The following FGF12 variants were observed in gnomAD, a reference collection of about 807,000 sequenced individuals.
FGF12 encodes fibroblast growth factor 12B.
In FGF12, 14 loss-of-function variants were observed where a neutral mutation model predicts 23.6. The ratio of observed to expected loss-of-function variants is 0.59; its 90% CI spans 0.39 to 0.93. The LOEUF (loss-of-function observed/expected upper bound fraction) is 0.93. FGF12 is among the 40% of genes least tolerant of loss of function. The probability of loss-of-function intolerance (pLI) is 0.00; values close to 1 mark genes in which losing one functional copy is unlikely to be tolerated. For missense variants in FGF12, 175 were observed against 217.8 expected, an observed-to-expected ratio of 0.80 and a Z score of 1.24; for synonymous variants, 62 against 77.3, an observed-to-expected ratio of 0.80 and a Z score of 1.04.
intron 2 of FGF12, among the ~76,000 whole-genome samples, chr3:192,522,777 T>C (rs993332180): frequency 1.3e-5 from 2 of 152,188 alleles, no homozygotes; most frequent in Non-Finnish European, 2.9e-5. Context: ...TATGAATAGA[T>C]CTGTGAAATT....
intron 4 of FGF12, among the ~76,000 whole-genome samples, chr3:192,283,852 G>T (rs1464254957): frequency 6.6e-6 from 1 of 151,954 alleles, no homozygotes; most frequent in African/African-American, 2.4e-5. Flanking sequence ...ATTTCCACGT[G>T]GTCAGCACTT....
intron 2 of FGF12, among the ~76,000 whole-genome samples, chr3:192,711,949 A>C (rs1267770495): frequency 5.9e-5 from 9 of 151,600 alleles, no homozygotes; most frequent in Non-Finnish European, 8.8e-5. Flanking sequence ...TCAAAAAAAA[A>C]AAAAAAAAAA....
chr3:192,397,459 A>C (rs893668963), intron 2 of FGF12, among the ~76,000 whole-genome samples: 13 of 152,188 alleles, frequency 8.5e-5, no homozygotes, highest in Admixed American at 7.9e-4. Context: ...CTATCACCTC[A>C]TATGCCATCT....
At chr3:192,587,633 T>C (rs1397746213) in intron 2 of FGF12, among the ~76,000 whole-genome samples, 2 of 151,666 alleles carry the variant, frequency 1.3e-5, no homozygotes, top group South Asian at 2.1e-4. Context: ...CTGGGCACCA[T>C]AGTGAGACCC....
chr3:192,333,016 C>T (rs987153586), intron 4 of FGF12, among the ~76,000 whole-genome samples: 4 of 152,048 alleles, frequency 2.6e-5, no homozygotes, highest in African/African-American at 9.7e-5. Context: ...AATAGGTTTA[C>T]AAAGGTAAAC....
chr3:192,382,286 G>A (rs1002631119), intron 2 of FGF12, among the ~76,000 whole-genome samples: 1 of 152,148 alleles, frequency 6.6e-6, no homozygotes, highest in Non-Finnish European at 1.5e-5. Context: ...GAGCCACCGC[G>A]CCCGGCCTAG....
chr3:192,596,042 G>A (rs969164536), intron 2 of FGF12, among the ~76,000 whole-genome samples: 1 of 148,572 alleles, frequency 6.7e-6, no homozygotes, highest in South Asian at 2.1e-4. Flanking sequence ...GCAGTTAGCC[G>A]ATATTGTACC....
intron 2 of FGF12, among the ~76,000 whole-genome samples, chr3:192,717,834 T>G (rs1201420290): frequency 6.6e-6 from 1 of 152,174 alleles, no homozygotes; most frequent in African/African-American, 2.4e-5. Context: ...CATAAACATG[T>G]TAATGGCTGT....
chr3:192,473,950 A>G (rs1221038893), intron 2 of FGF12, among the ~76,000 whole-genome samples: 1 of 152,138 alleles, frequency 6.6e-6, no homozygotes, highest in Non-Finnish European at 1.5e-5. Context: ...GCAGAACTAC[A>G]CTCACCTAGA....
At chr3:192,255,428 A>C (rs1185893130) in intron 4 of FGF12, among the ~76,000 whole-genome samples, 1 of 151,978 alleles carries the variant, frequency 6.6e-6, no homozygotes, top group Non-Finnish European at 1.5e-5. Flanking sequence ...GTGCATCCTG[A>C]GTAAGCTGAG....
chr3:192,714,596 G>T (rs1235469478), intron 2 of FGF12, among the ~76,000 whole-genome samples: 3 of 137,940 alleles, frequency 2.2e-5, no homozygotes, highest in African/African-American at 8.4e-5. Context: ...TCGGCTCACT[G>T]CAAGCTCCGC....
At chr3:192,534,237 A>G (rs1725168598) in intron 2 of FGF12, 1 of 152,220 alleles carries the variant, frequency 6.6e-6, no homozygotes, top group African/African-American at 2.4e-5. Flanking sequence ...ACAGTTCAAC[A>G]CACTGAGTAA....
intron 2 of FGF12, among the ~76,000 whole-genome samples, chr3:192,593,127 C>T (rs1713694364): frequency 6.6e-6 from 1 of 151,750 alleles, no homozygotes; most frequent in African/African-American, 2.4e-5. Context: ...ATTGGTTTCC[C>T]CTTCATTCTT....
chr3:192,165,767 T>C (rs1456259925), intron 5 of FGF12, among the ~76,000 whole-genome samples: 2 of 152,230 alleles, frequency 1.3e-5, no homozygotes, highest in African/African-American at 2.4e-5. Flanking sequence ...CTGACTTTTC[T>C]GAGTATTTGC....
chr3:192,182,462 G>A (rs1716234338), intron 4 of FGF12, among the ~76,000 whole-genome samples: 1 of 152,064 alleles, frequency 6.6e-6, no homozygotes, highest in African/African-American at 2.4e-5. Flanking sequence ...TATACCATAA[G>A]TTTTCCTAAT....
chr3:192,270,258 T>C (rs373003765), intron 4 of FGF12, among the ~76,000 whole-genome samples: 3 of 152,310 alleles, frequency 2.0e-5, no homozygotes, highest in African/African-American at 7.2e-5. Context: ...CATTTTTCTT[T>C]TCTCCAAGGA....
chr3:192,593,028 C>G (rs989468112), intron 2 of FGF12, among the ~76,000 whole-genome samples: 3 of 151,906 alleles, frequency 2.0e-5, no homozygotes, highest in Non-Finnish European at 4.4e-5. Flanking sequence ...TCTTTTGATT[C>G]TCTAGAACCT....
At chr3:192,251,355 A>C (rs1042446651) in intron 4 of FGF12, among the ~76,000 whole-genome samples, 3 of 152,122 alleles carry the variant, frequency 2.0e-5, no homozygotes, top group African/African-American at 7.2e-5. Flanking sequence ...CTATAACTCT[A>C]TTGTACTATT....
chr3:192,640,576 G>C (rs2108663929), intron 2 of FGF12, among the ~76,000 whole-genome samples: 1 of 152,254 alleles, frequency 6.6e-6, no homozygotes, highest in African/African-American at 2.4e-5. Flanking sequence ...GGAAAAGTGA[G>C]GTTCAGAGGA....
Sources: allele counts gnomAD v4.1 joint callset (sites outside exome capture counted in the v4.1 genomes callset), GRCh38; gene constraint gnomAD v4.1.1; transcripts MANE v1.5; gene names NCBI Gene and HGNC (gene_info 2026-07-23, HGNC 2026-07-21).